FILIP1: variants seen among roughly 807,000 people sequenced by gnomAD.
The protein encoded by FILIP1 is filamin A interacting protein 1, also known as filamin-A-interacting protein 1.
A neutral mutation model predicts 102.1 loss-of-function variants in FILIP1; 61 were observed. The observed-to-expected ratio is 0.60, with a 90% confidence interval of 0.49 to 0.74. The LOEUF is 0.74. FILIP1 is among the 30% of genes least tolerant of loss of function. The probability of loss-of-function intolerance (pLI) is 0.00; values close to 1 mark genes in which losing one functional copy is unlikely to be tolerated. For missense variants in FILIP1, 1,314 were observed against 1,441.2 expected, an observed-to-expected ratio of 0.91 and a Z score of 1.43; for synonymous variants, 491 against 526.9, an observed-to-expected ratio of 0.93 and a Z score of 0.93.
chr6:75,368,382 C>G (rs531401937), intron 2 of FILIP1, among the ~76,000 whole-genome samples: 1 of 152,286 alleles, frequency 6.6e-6, no homozygotes, highest in Admixed American at 6.5e-5. Flanking sequence ...CAAAAGAGGG[C>G]CGAATCCAAT....
At chr6:75,489,272 A>G (rs1779887341) in intron 1 of FILIP1, among the ~76,000 whole-genome samples, 1 of 152,112 alleles carries the variant, frequency 6.6e-6, no homozygotes, top group African/African-American at 2.4e-5. Flanking sequence ...GTGATAAGGG[A>G]GAGTTTGAAA....
intron 4 of FILIP1, among the ~76,000 whole-genome samples, chr6:75,330,970 T>C (rs941598585): frequency 6.6e-6 from 1 of 152,138 alleles, no homozygotes; most frequent in Non-Finnish European, 1.5e-5. Flanking sequence ...TTAAAACCCA[T>C]AGATGGCAAG....
At chr6:75,364,942 C>CT (rs1775279184) in intron 2 of FILIP1, among the ~76,000 whole-genome samples, 1 of 152,136 alleles carries the variant, frequency 6.6e-6, no homozygotes, top group South Asian at 2.1e-4. Context: ...ACAAACTCGT[C>CT]TTTAAAGAAG....
At chr6:75,432,552 A>C (rs1024344295) in intron 1 of FILIP1, among the ~76,000 whole-genome samples, 1 of 152,234 alleles carries the variant, frequency 6.6e-6, no homozygotes, top group South Asian at 2.1e-4. Flanking sequence ...GTTTATTCTA[A>C]AAATAAATTG....
chr6:75,397,492 GTA>G (rs35562292), intron 2 of FILIP1, among the ~76,000 whole-genome samples: 1 of 146,008 alleles, frequency 6.8e-6, no homozygotes. Context: ...ATATATATGT[GTA>G]TATATATATA....
chr6:75,396,359 C>A (rs1054487055), intron 2 of FILIP1, among the ~76,000 whole-genome samples: 2 of 151,806 alleles, frequency 1.3e-5, no homozygotes, highest in Admixed American at 1.3e-4. Flanking sequence ...AAGGGCATAC[C>A]AGTTAAGAGT....
intron 2 of FILIP1, among the ~76,000 whole-genome samples, chr6:75,372,797 G>A (rs6936292): frequency 0.024 from 944 of 39,928 alleles, 107 homozygotes; most frequent in African/African-American, 0.061. Context: ...AAAGAAAGAA[G>A]GAAAGAAAGA....
intron 2 of FILIP1, chr6:75,385,831 G>GC (rs1344304126): frequency 2.7e-5 from 4 of 150,448 alleles, no homozygotes; most frequent in Non-Finnish European, 5.9e-5. Flanking sequence ...ATTACTTGTA[G>GC]CCCCTTAGGA....
rs2149702416 is a variant in FILIP1 at position 75,426,525 on chromosome 6, C to A, written c.-6-11547G>T. Among the ~76,000 whole-genome samples the A allele has an allele frequency of 2.0e-5, 3 of 152,168 alleles. No homozygotes were observed. In the Middle Eastern group the frequency reaches 0.01, roughly 518 times the overall value. On this transcript the variant is annotated intron_variant, in intron 1 of 5. Transcript: ENST00000237172. ...GAGGAGATACAGAAGTGGCCACGTG[C>A]CCAGCAAAAGTGGAAGGTAGCTTGG...
rs11961130 is a variant in FILIP1 at position 75,449,971 on chromosome 6, T to C, written c.-6-34993A>G. Among the ~76,000 whole-genome samples the C allele has an allele frequency of 3.8e-3, 580 of 152,286 alleles. 20 individuals carry two copies. Among genetic ancestry groups the C allele is most frequent in the Admixed American group, 0.036 (545 of 15,294 alleles). On this transcript the variant is annotated intron_variant, in intron 1 of 5. Transcript: ENST00000237172. ...TTTTTAGAGACAGGGTCTCACTCTG[T>C]CACCCAGACTGGAGTGCGGTGGTGC... is the stretch of plus-strand genomic sequence containing the variant.
At chr6:75,345,925 C>A (rs1016498382) in intron 4 of FILIP1, among the ~76,000 whole-genome samples, 7 of 152,128 alleles carry the variant, frequency 4.6e-5, no homozygotes, top group African/African-American at 1.4e-4. Context: ...GGTCCAAGTT[C>A]TATTGCTGTG....
chr6:75,342,085 C>G (rs1693723381), intron 4 of FILIP1, among the ~76,000 whole-genome samples: 2 of 152,114 alleles, frequency 1.3e-5, no homozygotes, highest in Admixed American at 6.5e-5. Context: ...ATAACCTATC[C>G]AAAGTCACAG....
chr6:75,308,926 G>T (rs1277015064), intron 5 of FILIP1, 29 bp from the exon 6 acceptor site: 1 of 1,609,442 alleles, frequency 6.2e-7, no homozygotes, highest in African/African-American at 1.3e-5. Context: ...GTAGATACAA[G>T]GGAGATGTTG....
downstream of FILIP1, among the ~76,000 whole-genome samples, chr6:75,306,626 T>TG (rs1772994125): frequency 6.6e-6 from 1 of 152,228 alleles, no homozygotes; most frequent in African/African-American, 2.4e-5. Context: ...GTATTCCAAA[T>TG]GGCAATCTCT....
chr6:75,433,877 G>A (rs564530557), intron 1 of FILIP1, among the ~76,000 whole-genome samples: 1 of 152,306 alleles, frequency 6.6e-6, no homozygotes, highest in East Asian at 1.9e-4. Context: ...AAGGTGTAAG[G>A]AAGGGATACA....
chr6:75,371,804 T>C (rs1029869830), intron 2 of FILIP1, among the ~76,000 whole-genome samples: 6 of 152,128 alleles, frequency 3.9e-5, no homozygotes, highest in African/African-American at 1.4e-4. Flanking sequence ...TTGCAGCATA[T>C]ACAAAAAGTA....
chr6:75,299,609 T>C (rs1247808126), intron 6 of FILIP1, among the ~76,000 whole-genome samples: 3 of 152,198 alleles, frequency 2.0e-5, no homozygotes, highest in Non-Finnish European at 2.9e-5. Flanking sequence ...CAAAGTGTAC[T>C]TAGAGACAAT....
At chr6:75,439,979 T>C (rs758527852) in intron 1 of FILIP1, among the ~76,000 whole-genome samples, 8 of 152,352 alleles carry the variant, frequency 5.3e-5, no homozygotes, top group Non-Finnish European at 7.3e-5. Context: ...AATAAAAAAA[T>C]ATGCATTTGC....
intron 1 of FILIP1, among the ~76,000 whole-genome samples, chr6:75,450,500 T>C (rs1778591458): frequency 6.6e-6 from 1 of 151,722 alleles, no homozygotes; most frequent in Non-Finnish European, 1.5e-5. Flanking sequence ...AATTAAAAAA[T>C]TAGCTGGATG....
Sources: allele counts gnomAD v4.1 joint callset (sites outside exome capture counted in the v4.1 genomes callset), GRCh38; gene constraint gnomAD v4.1.1; transcripts MANE v1.5; gene names NCBI Gene and HGNC (gene_info 2026-07-23, HGNC 2026-07-21).